The following LINGO2 variants were observed in gnomAD, a reference collection of about 807,000 sequenced individuals.
The protein encoded by LINGO2 is leucine-rich repeat and immunoglobulin-like domain-containing nogo receptor-interacting protein 2.
In LINGO2, 14 loss-of-function variants were observed where a neutral mutation model predicts 30.6. The observed-to-expected ratio is 0.46, with a 90% CI of 0.30 to 0.72. LINGO2 has a LOEUF of 0.72. LINGO2 is among the 30% of genes least tolerant of loss of function. LINGO2 has a pLI of 0.07. For synonymous variants in LINGO2, 317 were observed against 288.5 expected, an observed-to-expected ratio of 1.10 and a Z score of -1.00; for missense variants, 729 against 751.7, an observed-to-expected ratio of 0.97 and a Z score of 0.35.
intron 1 of LINGO2, among the ~76,000 whole-genome samples, chr9:28,553,037 T>C (rs1428082346): frequency 1.3e-5 from 2 of 152,042 alleles, no homozygotes; most frequent in Non-Finnish European, 1.5e-5. Flanking sequence ...TGGTATAACA[T>C]GCTTTCTTCA....
intron 4 of LINGO2, among the ~76,000 whole-genome samples, chr9:28,209,131 C>G (rs1287149593): frequency 6.6e-6 from 1 of 151,966 alleles, no homozygotes; most frequent in African/African-American, 2.4e-5. Flanking sequence ...TGCTGCCAAT[C>G]TTTCATCCCA....
the LINGO2 span, among the ~76,000 whole-genome samples, chr9:29,199,270 T>G: frequency 1.3e-5 from 2 of 152,092 alleles, no homozygotes; most frequent in Non-Finnish European, 2.9e-5. Context: ...TCAGAACTGG[T>G]TAAATGCCCT....
In LINGO2 at chr9:28,360,044, T is replaced by A. The variant is rs1218320571; in HGVS notation, c.-246+12792A>T. On this transcript the variant is annotated intron_variant, in intron 3 of 5. Transcript: ENST00000379992. Reference sequence around the variant, plus strand: ...AAGATTATCTATAGAGCATGTACACTAAAACTTTTCCATTAGAGTTCTAGA... The same window carrying A: ...AAGATTATCTATAGAGCATGTACACAAAAACTTTTCCATTAGAGTTCTAGA... 2.6e-5 allele frequency among the ~76,000 whole-genome samples: 4 copies of A among 152,198 alleles called. No homozygotes were observed. In the East Asian group the frequency reaches 7.7e-4, roughly 29 times the overall value.
intron 5 of LINGO2, among the ~76,000 whole-genome samples, chr9:28,000,000 A>T (rs968366708): frequency 6.6e-6 from 1 of 152,190 alleles, no homozygotes; most frequent in African/African-American, 2.4e-5. Flanking sequence ...CGGTACTTGA[A>T]ATAAGCTTTT....
chr9:28,794,918 C>A, the LINGO2 span, among the ~76,000 whole-genome samples: 1 of 151,630 alleles, frequency 6.6e-6, no homozygotes, highest in Non-Finnish European at 1.5e-5. Flanking sequence ...GCAACCTGCG[C>A]CTCCCAGGTT....
At chr9:28,783,254 A>G in the LINGO2 span, among the ~76,000 whole-genome samples, 1 of 152,132 alleles carries the variant, frequency 6.6e-6, no homozygotes, top group Non-Finnish European at 1.5e-5. Context: ...CCCCTCCCTT[A>G]TAACGAAATC....
At chr9:28,762,103 T>C in the LINGO2 span, among the ~76,000 whole-genome samples, 11 of 152,210 alleles carry the variant, frequency 7.2e-5, no homozygotes, top group African/African-American at 2.4e-4. Context: ...CTTAATTGCA[T>C]TCCTGCTTTC....
At chr9:28,012,360 T>G (rs995871202) in exon 5 of LINGO2, 5 of 152,080 alleles carry the variant, frequency 3.3e-5, no homozygotes, top group Non-Finnish European at 5.9e-5. Context: ...CTTACCTTGC[T>G]TTTTTGCATG....
At chr9:27,980,064 T>A (rs1820783367) in intron 5 of LINGO2, among the ~76,000 whole-genome samples, 1 of 152,010 alleles carries the variant, frequency 6.6e-6, no homozygotes, top group Middle Eastern at 3.4e-3. Flanking sequence ...CAACACCAGC[T>A]GTTCAGAGTA....
intron 2 of LINGO2, among the ~76,000 whole-genome samples, chr9:28,439,998 T>C (rs1408833344): frequency 6.6e-6 from 1 of 152,188 alleles, no homozygotes. Flanking sequence ...AAATTTGGGC[T>C]GCTGTTAGAC....
chr9:28,841,010 CTTGTT>C, the LINGO2 span, among the ~76,000 whole-genome samples: 7 of 151,746 alleles, frequency 4.6e-5, no homozygotes, highest in Non-Finnish European at 1.0e-4. Context: ...GAGTTTCATT[CTTGTT>C]TTGTTTTTTC....
intron 3 of LINGO2, among the ~76,000 whole-genome samples, chr9:28,369,050 A>G (rs1458828774): frequency 6.6e-6 from 1 of 152,170 alleles, no homozygotes; most frequent in East Asian, 1.9e-4. Flanking sequence ...AGAATCTGGG[A>G]GCCCAATTCT....
intron 5 of LINGO2, among the ~76,000 whole-genome samples, chr9:28,001,655 G>A (rs1017035413): frequency 3.3e-5 from 5 of 151,788 alleles, no homozygotes; most frequent in South Asian, 2.1e-4. Context: ...AGGACCATTC[G>A]GAAAAGAAAT....
chr9:27,944,785 A>ATT (rs1823300281), downstream of LINGO2, among the ~76,000 whole-genome samples: 1 of 152,132 alleles, frequency 6.6e-6, no homozygotes, highest in African/African-American at 2.4e-5. Context: ...TTGGTCCCAA[A>ATT]GGTTTTGTTA....
At position 28,519,205 on chromosome 9, in the gene LINGO2, A is replaced by AT. The variant is rs1005029997; in HGVS notation, c.-364-43181dup. 3.0e-3 allele frequency among the ~76,000 whole-genome samples: 437 copies of AT among 147,356 alleles called. 2 individuals are homozygous for AT. The highest frequency in any genetic ancestry group is 8.2e-3 in the African/African-American group (330 of 40,192). ...TGCCACTACGTCCAGACAATTTTGT[A>AT]TTTTTTTTTTAGTAGAGATGGGGTT... On this transcript the variant is annotated intron_variant, in intron 1 of 5. Transcript: ENST00000379992.
the LINGO2 span, among the ~76,000 whole-genome samples, chr9:28,922,568 C>T: frequency 6.6e-5 from 10 of 152,266 alleles, no homozygotes; most frequent in South Asian, 2.1e-3. Flanking sequence ...AAAATCATAT[C>T]TCAGTTATTT....
chr9:28,414,707 G>A (rs955870551), intron 2 of LINGO2, among the ~76,000 whole-genome samples: 2 of 152,054 alleles, frequency 1.3e-5, no homozygotes, highest in African/African-American at 4.8e-5. Context: ...ATTTATTAAT[G>A]AGTGCACCAA....
chr9:28,310,627 A>G (rs1215015447), intron 3 of LINGO2, among the ~76,000 whole-genome samples: 1 of 152,202 alleles, frequency 6.6e-6, no homozygotes, highest in Non-Finnish European at 1.5e-5. Context: ...AGGGTGATGG[A>G]TACGTTCATT....
intron 2 of LINGO2, among the ~76,000 whole-genome samples, chr9:28,450,582 T>C (rs1824609885): frequency 1.3e-5 from 2 of 152,014 alleles, no homozygotes; most frequent in African/African-American, 4.8e-5. Flanking sequence ...AAATGGTACT[T>C]AAACACTGAA....
Sources: gnomAD v4.1 joint callset for allele counts (sites outside exome capture counted in the v4.1 genomes callset) on GRCh38, gnomAD v4.1.1 for gene constraint, MANE v1.5 for transcripts, NCBI Gene and HGNC (gene_info 2026-07-23, HGNC 2026-07-21) for gene names.